HERC3: variants seen among roughly 807,000 people sequenced by gnomAD.
HERC3 encodes the protein HECT and RLD domain containing E3 ubiquitin protein ligase 3.
HERC3 carries 58 observed loss-of-function variants against 129.9 expected under a neutral mutation model. The observed-to-expected ratio is 0.45, with a 90% CI of 0.36 to 0.56. The LOEUF (loss-of-function observed/expected upper bound fraction) is 0.56, where lower values mean the gene tolerates loss of function less well. Among genes scored for constraint, HERC3 ranks in the 20% least tolerant of loss-of-function variants. The probability of loss-of-function intolerance (pLI) is 0.00; values close to 1 mark genes in which losing one functional copy is unlikely to be tolerated. For synonymous variants in HERC3, 430 were observed against 451.0 expected, an observed-to-expected ratio of 0.95 and a Z score of 0.59; for missense variants, 835 against 1,244.2, an observed-to-expected ratio of 0.67 and a Z score of 4.95.
the HERC3 span, among the ~76,000 whole-genome samples, chr4:88,534,201 T>C: frequency 1.3e-5 from 2 of 152,234 alleles, no homozygotes; most frequent in Admixed American, 6.5e-5. Flanking sequence ...ACCACACTTT[T>C]AGTAGCAAGA....
intron 3 of HERC3, among the ~76,000 whole-genome samples, chr4:88,618,987 C>A (rs1725224213): frequency 6.6e-6 from 1 of 152,140 alleles, no homozygotes. Context: ...GCCAGGGGAG[C>A]TGTAGTGCCT....
At chr4:88,682,177 G>A (rs1237150661) in intron 21 of HERC3, among the ~76,000 whole-genome samples, 1 of 152,122 alleles carries the variant, frequency 6.6e-6, no homozygotes. Flanking sequence ...ACAAGTTTTT[G>A]TACAAATGCA....
chr4:88,558,669 A>G, the HERC3 span, among the ~76,000 whole-genome samples: 1 of 152,260 alleles, frequency 6.6e-6, no homozygotes, highest in East Asian at 1.9e-4. Context: ...AATTTTAGAA[A>G]TTCTCATTGA....
the HERC3 span, among the ~76,000 whole-genome samples, chr4:88,568,307 A>T: frequency 6.6e-6 from 1 of 152,166 alleles, no homozygotes. Flanking sequence ...TCAAGGCCCA[A>T]GGGCTCTTCA....
chr4:88,550,499 CAGAG>C, the HERC3 span, among the ~76,000 whole-genome samples: 7,259 of 151,948 alleles, frequency 0.048, 357 homozygotes, highest in East Asian at 0.27. Flanking sequence ...AACAGACAAA[CAGAG>C]AGCCAAATCA....
At chr4:88,657,264 C>T (rs552955261) in intron 9 of HERC3, 13 of 152,298 alleles carry the variant, frequency 8.5e-5, no homozygotes, top group African/African-American at 3.1e-4. Context: ...CTCAAGGACA[C>T]AGACAAACTC....
chr4:88,590,287 G>A (rs1204304387), upstream of HERC3, among the ~76,000 whole-genome samples: 1 of 147,306 alleles, frequency 6.8e-6, no homozygotes, highest in African/African-American at 2.5e-5. Flanking sequence ...AACTCCGGGC[G>A]CGGTGGCTCA....
chr4:88,632,642 G>T (rs1182643788), intron 3 of HERC3, among the ~76,000 whole-genome samples: 1 of 152,232 alleles, frequency 6.6e-6, no homozygotes, highest in Non-Finnish European at 1.5e-5. Context: ...CATGGCCTCA[G>T]TAGCAGAACA....
At chr4:88,576,777 G>T in the HERC3 span, among the ~76,000 whole-genome samples, 1 of 151,912 alleles carries the variant, frequency 6.6e-6, no homozygotes, top group Non-Finnish European at 1.5e-5. Flanking sequence ...GCCTTTTAAC[G>T]TTTTTATAGA....
Position 88,683,194 on chromosome 4 carries a change from A to C in HERC3, c.2507+1869A>C, listed in dbSNP as rs1299577933. On this transcript the variant is annotated intron_variant, in intron 21 of 25. Transcript: ENST00000402738. ...TATGTTATTCTCTTTCTGGCTCTTAAAATTCCTTTTATTCTTGAGTTTCTC... is the reference window on the plus strand; with the variant it reads ...TATGTTATTCTCTTTCTGGCTCTTACAATTCCTTTTATTCTTGAGTTTCTC... Among the ~76,000 whole-genome samples the C allele has an allele frequency of 1.2e-4, 18 of 152,252 alleles. No homozygotes were observed. The South Asian group carries it at 2.1e-3, about 18-fold the overall frequency.
intron 1 of HERC3, chr4:88,593,160 C>G (rs1251603794): frequency 6.6e-6 from 1 of 152,094 alleles, no homozygotes; most frequent in Non-Finnish European, 1.5e-5. Flanking sequence ...CTGCGGGGCC[C>G]GGCACCACCC....
intron 23 of HERC3, among the ~76,000 whole-genome samples, chr4:88,701,393 G>T (rs746451326): frequency 1.3e-5 from 2 of 152,174 alleles, no homozygotes; most frequent in African/African-American, 2.4e-5. Flanking sequence ...CTAGTTATTG[G>T]TGTGGATGGT....
chr4:88,573,872 A>T, the HERC3 span, among the ~76,000 whole-genome samples: 11 of 152,188 alleles, frequency 7.2e-5, no homozygotes. Flanking sequence ...AAGCATTTCC[A>T]TCATTCTTAA....
chr4:88,639,970 T>G (rs941582801), intron 3 of HERC3, among the ~76,000 whole-genome samples: 3 of 151,624 alleles, frequency 2.0e-5, no homozygotes, highest in Non-Finnish European at 2.9e-5. Flanking sequence ...CCAACAAACA[T>G]GAAAAAAGCT....
At chr4:88,596,098 CT>C (rs1722357969) in intron 2 of HERC3, among the ~76,000 whole-genome samples, 2 of 152,106 alleles carry the variant, frequency 1.3e-5, no homozygotes, top group African/African-American at 4.8e-5. Flanking sequence ...ATCCGCCTGC[CT>C]CGGCCTTCCA....
intron 23 of HERC3, among the ~76,000 whole-genome samples, chr4:88,689,605 TCTCA>T (rs1733858968): frequency 6.9e-6 from 1 of 145,916 alleles, no homozygotes; most frequent in East Asian, 2.0e-4. Context: ...CGAGACAGAG[TCTCA>T]CTCTGTCTCC....
chr4:88,631,643 A>T (rs1726773348), intron 3 of HERC3, among the ~76,000 whole-genome samples: 1 of 152,210 alleles, frequency 6.6e-6, no homozygotes, highest in South Asian at 2.1e-4. Context: ...GATACTCTCT[A>T]CTTCCAGGAA....
chr4:88,605,749 C>T, intron 2 of HERC3, 46 bp from the exon 3 acceptor site: 1 of 1,117,138 alleles, frequency 9.0e-7, no homozygotes, highest in South Asian at 1.5e-5. Flanking sequence ...TTTCTATGAC[C>T]TATTTCTTTT....
the HERC3 span, among the ~76,000 whole-genome samples, chr4:88,540,229 T>A: frequency 6.6e-6 from 1 of 152,090 alleles, no homozygotes; most frequent in African/African-American, 2.4e-5. Flanking sequence ...GAATAAACAG[T>A]GTAGTGTAGA....
Sources: gnomAD v4.1 joint callset for allele counts (sites outside exome capture counted in the v4.1 genomes callset) on GRCh38, gnomAD v4.1.1 for gene constraint, MANE v1.5 for transcripts, NCBI Gene and HGNC (gene_info 2026-07-23, HGNC 2026-07-21) for gene names.